The following CCDC40 variants were observed in gnomAD, a reference collection of about 807,000 sequenced individuals.
CCDC40 encodes the protein coiled-coil domain 40 molecular ruler complex subunit.
CCDC40 carries 104 observed loss-of-function variants against 124.5 expected under a neutral mutation model. The ratio of observed to expected loss-of-function variants is 0.84; its 90% confidence interval spans 0.71 to 0.98. CCDC40 has a LOEUF of 0.98. Ranked by LOEUF, CCDC40 falls within the 50% of genes least tolerant of loss-of-function variation. The pLI, the probability that CCDC40 is intolerant of heterozygous loss-of-function variation, is 0.00. For missense variants in CCDC40, 1,463 were observed against 1,503.9 expected (o/e 0.97, Z 0.45); for synonymous variants, 580 against 602.9 (o/e 0.96, Z 0.56).
chr17:80,087,313 T>C lies in CCDC40; in HGVS notation c.2450-294T>C, dbSNP rs546483769. The C allele has an allele frequency of 1.0e-4, 48 of 479,156 alleles. No individual in the cohort carries two copies. The highest frequency in any genetic ancestry group is 1.8e-4 in the Non-Finnish European group (46 of 260,648). 29.7% of individuals were successfully genotyped at this position (479,156 alleles called of 1,614,324 possible). ...GTGTCTGGGGGAGGGAGCCTGGCCC[T>C]CCCACACGCCCTGCCCACACCTGCT... On this transcript the variant is annotated intron_variant, in intron 14 of 19. Coordinates refer to ENST00000397545, the MANE Select transcript of CCDC40 (RefSeq NM_017950.4). This position sits in a 1 kb window ranked among gnomAD's most constrained non-coding sequence, Gnocchi z 4.5.
intron 17 of CCDC40, among the ~76,000 whole-genome samples, chr17:80,093,130 C>T (rs1337058206): frequency 1.3e-5 from 2 of 152,182 alleles, no homozygotes; most frequent in Non-Finnish European, 2.9e-5. Context: ...GTCCCTTCAC[C>T]AATGCCCTGC....
chr17:80,088,171 A>G, intron 16 of CCDC40, 69 bp downstream of exon 16: 1 of 1,082,576 alleles, frequency 9.2e-7, no homozygotes, highest in Non-Finnish European at 1.4e-6. Context: ...TGTCCGTTGA[A>G]GACCATGTAG....
intron 16 of CCDC40, chr17:80,088,448 C>T (rs1050250172): frequency 1.9e-5 from 7 of 362,304 alleles, no homozygotes; most frequent in South Asian, 4.4e-5. Context: ...GATGGGGTTT[C>T]ACCCTGTTGG....
intron 7 of CCDC40, among the ~76,000 whole-genome samples, chr17:80,054,273 T>A (rs777855357): frequency 6.6e-6 from 1 of 152,050 alleles, no homozygotes; most frequent in Non-Finnish European, 1.5e-5. Flanking sequence ...GTTTTTTTTG[T>A]TTTGTTTTTT....
chr17:80,057,832 C>T (rs934580924), intron 7 of CCDC40, among the ~76,000 whole-genome samples: 7 of 151,226 alleles, frequency 4.6e-5, no homozygotes, highest in African/African-American at 7.3e-5. Flanking sequence ...GTCGAGATCG[C>T]GCCACTGCAC....
intron 7 of CCDC40, among the ~76,000 whole-genome samples, chr17:80,050,740 G>A (rs1445738197): frequency 6.6e-5 from 10 of 152,072 alleles, no homozygotes; most frequent in South Asian, 2.1e-4. Flanking sequence ...CACTGCACCC[G>A]GTTATAAATA....
intron 7 of CCDC40, chr17:80,051,420 G>A (rs2037585430): frequency 4.3e-6 from 1 of 232,468 alleles, no homozygotes; most frequent in South Asian, 1.6e-4. Flanking sequence ...ACGAGGTCAG[G>A]AGATCGAGAC....
chr17:80,066,268 G>T lies in CCDC40; in HGVS notation c.1562+662G>T. 2 of 680,504 alleles carry T rather than the reference G, an allele frequency of 2.9e-6. No individual in the cohort carries two copies. The highest frequency in any genetic ancestry group is 2.7e-5 in the East Asian group (1 of 36,804). 42.2% of individuals were successfully genotyped at this position (680,504 alleles called of 1,614,324 possible). On this transcript the variant is annotated intron_variant, in intron 10 of 19. Coordinates refer to ENST00000397545, the MANE Select transcript of CCDC40 (RefSeq NM_017950.4). This position sits in a 1 kb window ranked among gnomAD's most constrained non-coding sequence, Gnocchi z 4.4. ...GCACAGAGCCTGGCATACAGCAAGC[G>T]CTCAAGAAAGGCTGGACCAAGGAAT...
At chr17:80,096,016 G>A (rs917273192) in intron 18 of CCDC40, among the ~76,000 whole-genome samples, 2 of 152,252 alleles carry the variant, frequency 1.3e-5, no homozygotes, top group Non-Finnish European at 2.9e-5. Context: ...CCACCTCAAC[G>A]GTTGCCAGCC....
At position 80,040,002 on chromosome 17, in the gene CCDC40, A is replaced by G. The variant is rs1334722132; in HGVS notation, c.284A>G (p.Tyr95Cys). ...SYGDAESEEEYYYTETSSPEG... is the reference protein window; with the variant it reads ...SYGDAESEEECYYTETSSPEG... ...GGAGATGCTGAAAGCGAAGAGGAATATTACTATACAGAAACTTCATCCCCG... is the reference window on the plus strand; with the variant it reads ...GGAGATGCTGAAAGCGAAGAGGAATGTTACTATACAGAAACTTCATCCCCG... Residue 95 changes from tyrosine (Y) to cysteine (C), a missense_variant, in exon 3 of 20, where the codon TAT (tyrosine) becomes TGT (cysteine). By Grantham distance (194) the Tyr-to-Cys change is radical (BLOSUM62 -2). Coordinates refer to ENST00000397545, the MANE Select transcript of CCDC40 (RefSeq NM_017950.4). 7 of 1,614,014 alleles carry G rather than the reference A, an allele frequency of 4.3e-6. No homozygotes were observed. The highest frequency in any genetic ancestry group is 5.9e-6 in the Non-Finnish European group (7 of 1,180,026).
At chr17:80,056,714 G>C (rs2037757502) in intron 7 of CCDC40, among the ~76,000 whole-genome samples, 1 of 151,976 alleles carries the variant, frequency 6.6e-6, no homozygotes, top group Non-Finnish European at 1.5e-5. Context: ...ATTTTGAAAA[G>C]GAAGGATAAT....
At chr17:80,085,666 C>CTTTTTTTTTT (rs5822324) in intron 13 of CCDC40, among the ~76,000 whole-genome samples, 1 of 110,012 alleles carries the variant, frequency 9.1e-6, no homozygotes, top group Admixed American at 9.4e-5. Context: ...GCTAATTTTG[C>CTTTTTTTTTT]TTTTTTTTTT....
At chr17:80,065,629 G>C (rs778476135) in intron 10 of CCDC40, 23 bp downstream of exon 10, 1 of 1,611,106 alleles carries the variant, frequency 6.2e-7, no homozygotes, top group East Asian at 2.2e-5. Context: ...CACAGGCAGC[G>C]AGGATGTGCG....
At position 80,099,635 on chromosome 17, in the gene CCDC40, C is replaced by T. The variant is rs769742464; in HGVS notation, c.3289C>T (p.Arg1097Cys). The T allele has an allele frequency of 3.7e-6, 6 of 1,613,644 alleles. No homozygotes were observed. The highest frequency in any genetic ancestry group is 4.2e-6 in the Non-Finnish European group (5 of 1,180,032). Residue 1097 changes from arginine (R) to cysteine (C), a missense_variant, in exon 20 of 20, where the codon CGC becomes TGC. By Grantham distance (180) the Arg-to-Cys change is radical. Coordinates refer to ENST00000397545, the MANE Select transcript of CCDC40 (RefSeq NM_017950.4). ...FRSKQSLVLE[R>C]QRLDKRLALI... is the part of the protein sequence containing the mutation. ...CTCCAAGCAGTCCCTAGTGCTGGAGCGCCAGCGCCTGGACAAGCGACTGGC... is the reference window on the plus strand; with the variant it reads ...CTCCAAGCAGTCCCTAGTGCTGGAGTGCCAGCGCCTGGACAAGCGACTGGC...
intron 3 of CCDC40, among the ~76,000 whole-genome samples, chr17:80,041,144 G>A (rs778223696): frequency 2.3e-4 from 35 of 152,218 alleles, no homozygotes; most frequent in Non-Finnish European, 3.8e-4. Context: ...AGTGGGTTGC[G>A]GATCTGGTCA....
chr17:80,040,424 A>G, intron 3 of CCDC40, 154 bp downstream of exon 3: 1 of 779,828 alleles, frequency 1.3e-6, no homozygotes, highest in Non-Finnish European at 2.1e-6. Flanking sequence ...CACGCCTGTA[A>G]TCCCAGCACT....
At chr17:80,063,445 C>T (rs932417489) in intron 9 of CCDC40, among the ~76,000 whole-genome samples, 1 of 152,308 alleles carries the variant, frequency 6.6e-6, no homozygotes, top group Admixed American at 6.5e-5. Context: ...CCTTGACCTG[C>T]ACCTCAGTCA....
At chr17:80,077,550 G>A (rs542221020) in intron 10 of CCDC40, among the ~76,000 whole-genome samples, 220 of 152,274 alleles carry the variant, frequency 1.4e-3, no homozygotes, top group Non-Finnish European at 1.9e-3. Flanking sequence ...CAGCTGCTGC[G>A]GTGTTTTCCC....
chr17:80,068,931 G>A (rs953770777), intron 10 of CCDC40, among the ~76,000 whole-genome samples: 1 of 152,230 alleles, frequency 6.6e-6, no homozygotes, highest in African/African-American at 2.4e-5. Flanking sequence ...CCGGCTAGAG[G>A]GCGGAATGCC....
Sources: gnomAD v4.1 joint callset for allele counts (sites outside exome capture counted in the v4.1 genomes callset) on GRCh38, gnomAD v4.1.1 for gene constraint, Gnocchi (gnomAD v3.1) non-coding constraint, MANE v1.5 for transcripts, NCBI Gene and HGNC (gene_info 2026-07-23, HGNC 2026-07-21) for gene names.